The following PIN4 variants were observed in gnomAD, a reference collection of about 807,000 sequenced individuals.
The protein encoded by PIN4 is peptidylprolyl cis/trans isomerase, NIMA-interacting 4.
Under a neutral mutation model 8.3 loss-of-function variants are expected in PIN4, and 3 were observed. That is an observed-to-expected ratio of 0.36 (90% CI 0.16 to 0.93). The LOEUF (loss-of-function observed/expected upper bound fraction) is 0.93, where lower values mean the gene tolerates loss of function less well. Ranked by LOEUF, PIN4 falls within the 40% of genes least tolerant of loss-of-function variation. The pLI, the probability that PIN4 is intolerant of heterozygous loss-of-function variation, is 0.44. For synonymous variants in PIN4, 18 were observed against 32.5 expected, an observed-to-expected ratio of 0.55 and a Z score of 1.52; for missense variants, 75 against 100.6, an observed-to-expected ratio of 0.75 and a Z score of 1.09.
chrX:72,228,032 G>T (rs2042963131), intron 3 of PIN4, among the ~76,000 whole-genome samples: 1 of 112,079 alleles, frequency 8.9e-6, no homozygotes, highest in African/African-American at 3.2e-5. Flanking sequence ...CATTCCACAA[G>T]TTACTTCCTC....
chrX:72,261,240 G>A (rs1292105306), intron 3 of PIN4, among the ~76,000 whole-genome samples: 9 of 105,820 alleles, frequency 8.5e-5, no homozygotes, highest in African/African-American at 3.1e-4. Flanking sequence ...AGGTTGCAGT[G>A]AGCCGAGACG....
chrX:72,240,322 A>G (rs2043043826), intron 3 of PIN4, among the ~76,000 whole-genome samples: 1 of 111,569 alleles, frequency 9.0e-6, no homozygotes, highest in African/African-American at 3.3e-5. Context: ...TGCTTGGGTG[A>G]CACTAAATAG....
At position 72,198,196 on chromosome X, in the gene PIN4, A is replaced by G; in HGVS notation, c.*670A>G. 1.3e-6 allele frequency: 1 copy of G among 750,061 alleles called. No homozygotes were observed. The highest frequency in any genetic ancestry group is 1.6e-6 in the Non-Finnish European group (1 of 635,135). 61.8% of individuals were successfully genotyped at this position (750,061 alleles called of 1,213,427 possible). A position where few individuals can be genotyped will look rare whatever the true frequency, so the allele number is the denominator to read the frequency against. On this transcript the variant is annotated 3_prime_UTR_variant, in exon 4 of 4. Transcript: ENST00000373669. Reference sequence around the variant, plus strand: ...TTCCCTCATCTTCAGTGTATGGGTTACATTAAGACTGTCCTTTCCAGGGCC... The same window carrying G: ...TTCCCTCATCTTCAGTGTATGGGTTGCATTAAGACTGTCCTTTCCAGGGCC...
chrX:72,250,029 G>A (rs896151317), intron 3 of PIN4, among the ~76,000 whole-genome samples: 1 of 109,443 alleles, frequency 9.1e-6, no homozygotes, highest in African/African-American at 3.3e-5. Context: ...GGTGAGAACC[G>A]CTGATAACAT....
At chrX:72,250,891 C>A (rs766662343) in intron 3 of PIN4, among the ~76,000 whole-genome samples, 1 of 107,456 alleles carries the variant, frequency 9.3e-6, no homozygotes, top group South Asian at 4.2e-4. Flanking sequence ...AGGTGCCCAC[C>A]ACCACGCCTG....
At chrX:72,185,164 A>AAAAAAAAAAC (rs1569488089) in intron 1 of PIN4, among the ~76,000 whole-genome samples, 2 of 104,527 alleles carry the variant, frequency 1.9e-5, no homozygotes. Context: ...AAAAAAAAAA[A>AAAAAAAAAAC]AACAACTTTT....
At chrX:72,237,644 G>A (rs1008926341) in intron 3 of PIN4, among the ~76,000 whole-genome samples, 3 of 106,866 alleles carry the variant, frequency 2.8e-5, no homozygotes, top group Non-Finnish European at 5.8e-5. Context: ...TGCGCCTGTG[G>A]TCCCAGCTAC....
At chrX:72,208,839 A>T in intron 3 of PIN4, 1 of 498,563 alleles carries the variant, frequency 2.0e-6, no homozygotes, top group Non-Finnish European at 3.2e-6. Context: ...AGCACACAAG[A>T]TGCCAATGAA....
chrX:72,205,215 C>G (rs376875621), intron 3 of PIN4: 4 of 1,210,021 alleles, frequency 3.3e-6, no homozygotes, highest in Non-Finnish European at 3.4e-6. Context: ...AACCAACCAA[C>G]TGTTCACCAG....
chrX:72,257,481 G>A (rs2043117354), intron 3 of PIN4, among the ~76,000 whole-genome samples: 1 of 111,802 alleles, frequency 8.9e-6, no homozygotes, highest in East Asian at 2.8e-4. Flanking sequence ...CAAAGGAGCA[G>A]TAGAGTACCA....
intron 1 of PIN4, among the ~76,000 whole-genome samples, chrX:72,185,394 A>G (rs979518456): frequency 9.0e-6 from 1 of 110,503 alleles, no homozygotes; most frequent in Non-Finnish European, 1.9e-5. Flanking sequence ...GCTCCTACTC[A>G]TCCAGGAAAC....
At chrX:72,237,603 G>GA (rs60931189) in intron 3 of PIN4, among the ~76,000 whole-genome samples, 26,671 of 90,897 alleles carry the variant, frequency 0.29, 3,451 homozygotes, top group East Asian at 0.51. Context: ...ATCAAAAAAA[G>GA]AAAAAAAAAA....
chrX:72,261,310 A>C (rs1307002181), intron 3 of PIN4, among the ~76,000 whole-genome samples: 6 of 108,901 alleles, frequency 5.5e-5, no homozygotes, highest in African/African-American at 2.0e-4. Context: ...AAAAAAAAAA[A>C]AAAAACCAAA....
downstream of PIN4, among the ~76,000 whole-genome samples, chrX:72,200,270 T>A (rs1463631436): frequency 8.9e-6 from 1 of 112,142 alleles, no homozygotes; most frequent in Non-Finnish European, 1.9e-5. Context: ...TCTGATTAAG[T>A]TCAGTGTTTA....
intron 3 of PIN4, among the ~76,000 whole-genome samples, chrX:72,261,515 AT>A (rs756102758): frequency 9.0e-6 from 1 of 111,431 alleles, no homozygotes; most frequent in East Asian, 2.8e-4. Context: ...GACTTTCGGT[AT>A]GCTTTTTAAC....
intron 3 of PIN4, among the ~76,000 whole-genome samples, chrX:72,249,492 T>C (rs1394882405): frequency 5.4e-5 from 6 of 111,971 alleles, no homozygotes; most frequent in Non-Finnish European, 1.1e-4. Flanking sequence ...ATAGCAGCTT[T>C]GTTTCTAATA....
intron 3 of PIN4, chrX:72,206,100 AATCTCATC>A: frequency 8.3e-7 from 1 of 1,211,272 alleles, no homozygotes; most frequent in Non-Finnish European, 1.1e-6. Context: ...AATGACGTAA[AATCTCATC>A]ATCCTTTAGT....
intron 3 of PIN4, among the ~76,000 whole-genome samples, chrX:72,251,363 A>AAAAAAAAAAAAAAAAAAT (rs2043087092): frequency 7.6e-5 from 1 of 13,203 alleles, no homozygotes; most frequent in Non-Finnish European, 3.1e-4. Context: ...ACTCTGTCTC[A>AAAAAAAAAAAAAAAAAAT]AAAAAAAAAA....
intron 3 of PIN4, among the ~76,000 whole-genome samples, chrX:72,226,243 A>C (rs1353593349): frequency 1.8e-5 from 2 of 111,467 alleles, no homozygotes; most frequent in African/African-American, 6.5e-5. Context: ...ACTTCCACTC[A>C]CATAAAGCAA....
Sources: gnomAD v4.1 joint callset for allele counts (sites outside exome capture counted in the v4.1 genomes callset) on GRCh38, gnomAD v4.1.1 for gene constraint, MANE v1.5 for transcripts, NCBI Gene and HGNC (gene_info 2026-07-23, HGNC 2026-07-21) for gene names.